RPRD1A: variants seen among roughly 807,000 people sequenced by gnomAD.
RPRD1A encodes regulation of nuclear pre-mRNA domain containing 1A.
In RPRD1A, 9 loss-of-function variants were observed where a neutral mutation model predicts 37.8. The observed-to-expected ratio is 0.24, with a 90% confidence interval of 0.14 to 0.42. The LOEUF (loss-of-function observed/expected upper bound fraction) is 0.42. RPRD1A is among the 10% of genes least tolerant of loss of function. The probability of loss-of-function intolerance (pLI) is 1.00; values close to 1 mark genes in which losing one functional copy is unlikely to be tolerated. For missense variants in RPRD1A, 255 were observed against 371.0 expected (o/e 0.69, Z 2.57); for synonymous variants, 138 against 139.7 (o/e 0.99, Z 0.08).
chr18:36,020,069 A>T (rs1017762568), intron 6 of RPRD1A, among the ~76,000 whole-genome samples: 4 of 152,164 alleles, frequency 2.6e-5, no homozygotes, highest in African/African-American at 9.7e-5. Context: ...AAAGGAATGG[A>T]AAGGACGAAC....
chr18:36,028,024 T>C (rs188954814), intron 4 of RPRD1A: 14 of 152,264 alleles, frequency 9.2e-5, no homozygotes, highest in African/African-American at 3.1e-4. Context: ...CGCAACTCTT[T>C]GCTGGTGATT....
chr18:36,014,594 T>C (rs1337016561), intron 6 of RPRD1A, among the ~76,000 whole-genome samples: 2 of 151,930 alleles, frequency 1.3e-5, no homozygotes, highest in Non-Finnish European at 2.9e-5. Context: ...CAAAAAACAA[T>C]TAGCCGGGTG....
chr18:36,001,264 G>C (rs772931720), intron 6 of RPRD1A, among the ~76,000 whole-genome samples: 2 of 152,188 alleles, frequency 1.3e-5, no homozygotes, highest in South Asian at 4.1e-4. Context: ...GGATGGAGCA[G>C]AGAGAGTAAG....
intron 1 of RPRD1A, among the ~76,000 whole-genome samples, chr18:36,038,632 A>C (rs543863839): frequency 6.6e-6 from 1 of 152,340 alleles, no homozygotes; most frequent in South Asian, 2.1e-4. Context: ...GAGTTCAAGA[A>C]GAGGGCCACT....
chr18:36,002,206 C>T (rs539430462), intron 6 of RPRD1A, among the ~76,000 whole-genome samples: 1 of 152,300 alleles, frequency 6.6e-6, no homozygotes, highest in South Asian at 2.1e-4. Context: ...TATTTGGCTT[C>T]ATTCTCTTGC....
intron 6 of RPRD1A, among the ~76,000 whole-genome samples, chr18:36,002,287 G>T (rs556535330): frequency 6.6e-6 from 1 of 152,110 alleles, no homozygotes; most frequent in Non-Finnish European, 1.5e-5. Flanking sequence ...TGTTCTATTT[G>T]TGGGGACTTC....
intron 2 of RPRD1A, among the ~76,000 whole-genome samples, 159 bp downstream of exon 2, chr18:36,033,549 T>A (rs1262133790): frequency 1.3e-5 from 2 of 152,166 alleles, no homozygotes; most frequent in Admixed American, 1.3e-4. Context: ...AGGCATTTAA[T>A]ACATTTATAA....
In RPRD1A at chr18:36,018,659, G is replaced by T. The variant is rs577299800; in HGVS notation, c.789+8241C>A. ...GACAGAAACTACTCTAAGCATTGAG[G>T]GCATGGTAATAAATATGAAAAACAA... On this transcript the variant is annotated intron_variant, in intron 6 of 6. Transcript: ENST00000399022. Among the ~76,000 whole-genome samples the T allele has an allele frequency of 3.2e-4, 48 of 152,100 alleles. No individual in the cohort carries two copies. In the South Asian group the frequency reaches 4.2e-3, roughly 13 times the overall value.
intron 6 of RPRD1A, among the ~76,000 whole-genome samples, chr18:36,017,399 C>G (rs1910663685): frequency 6.6e-6 from 1 of 152,156 alleles, no homozygotes; most frequent in Non-Finnish European, 1.5e-5. Context: ...GGTCTCCCTA[C>G]TGCTAATCTC....
chr18:36,050,848 TTTTTC>T (rs200015439), intron 1 of RPRD1A, among the ~76,000 whole-genome samples: 5,157 of 151,458 alleles, frequency 0.034, 266 homozygotes, highest in African/African-American at 0.12. Context: ...CCAGAATCAA[TTTTTC>T]TTTTCTTTTC....
In RPRD1A at chr18:36,010,496, C is replaced by CA. The variant is rs951383537; in HGVS notation, c.789+16403dup. Among the ~76,000 whole-genome samples the CA allele has an allele frequency of 2.0e-3, 299 of 150,678 alleles. 1 individual carries two copies. Among genetic ancestry groups the CA allele is most frequent in the African/African-American group, 5.5e-3 (226 of 40,834 alleles). On this transcript the variant is annotated intron_variant, in intron 6 of 6. Coordinates refer to ENST00000399022, the MANE Select transcript of RPRD1A (RefSeq NM_018170.5). ...CAACAAACAGAATGAGACCCTGTCTCAAAAAAAACAAAACAAAACAAAAGC... is the reference window on the plus strand; with the variant it reads ...CAACAAACAGAATGAGACCCTGTCTCAAAAAAAAACAAAACAAAACAAAAGC...
intron 6 of RPRD1A, among the ~76,000 whole-genome samples, chr18:35,996,593 C>T (rs1418444236): frequency 2.6e-5 from 4 of 152,060 alleles, no homozygotes; most frequent in African/African-American, 4.8e-5. Flanking sequence ...TCAAATGATA[C>T]GACATTTGCT....
intron 1 of RPRD1A, among the ~76,000 whole-genome samples, chr18:36,037,500 T>C (rs1428770041): frequency 6.6e-6 from 1 of 152,232 alleles, no homozygotes; most frequent in Non-Finnish European, 1.5e-5. Flanking sequence ...CTTTCCTTTA[T>C]AAATTACCCA....
intron 6 of RPRD1A, among the ~76,000 whole-genome samples, chr18:36,010,721 C>G (rs889295696): frequency 6.6e-6 from 1 of 152,202 alleles, no homozygotes. Flanking sequence ...GGAGAAAACA[C>G]TTCGCACCAA....
At chr18:36,043,201 G>T (rs529034447) in intron 1 of RPRD1A, among the ~76,000 whole-genome samples, 3 of 139,760 alleles carry the variant, frequency 2.1e-5, no homozygotes, top group Non-Finnish European at 4.7e-5. Context: ...AGAATCGGGG[G>T]GGGGGGAAGA....
In RPRD1A at chr18:35,993,161, C is replaced by T. The variant is rs1908810174; in HGVS notation, c.929G>A (p.Ser310Asn). The T allele has an allele frequency of 6.2e-7, 1 of 1,613,990 alleles. No individual in the cohort carries two copies. ...MHLPFAGDIY[S>N]ED The stretch of plus-strand genomic sequence containing the variant: ...AAAGAGGCTGGTCCATCAATCTTCA[C>T]TGTAGATGTCTCCCGCAAAGGGCAG... The change falls in exon 7 of 7, where the codon AGT becomes AAT. Residue 310 changes from serine (S) to asparagine (N), a missense_variant. Transcript: ENST00000399022.
At chr18:36,003,285 G>T (rs904384288) in intron 6 of RPRD1A, among the ~76,000 whole-genome samples, 8 of 152,146 alleles carry the variant, frequency 5.3e-5, no homozygotes, top group Non-Finnish European at 1.0e-4. Flanking sequence ...TGATCACTTG[G>T]TTTATTAGTG....
intron 1 of RPRD1A, among the ~76,000 whole-genome samples, chr18:36,067,035 C>A (rs571749443): frequency 6.6e-6 from 1 of 152,208 alleles, no homozygotes; most frequent in African/African-American, 2.4e-5. Flanking sequence ...GTTAAGCTAA[C>A]CGGAGTTTTC....
chr18:36,001,890 A>G (rs1261877584), intron 6 of RPRD1A, among the ~76,000 whole-genome samples: 1 of 152,204 alleles, frequency 6.6e-6, no homozygotes, highest in Non-Finnish European at 1.5e-5. Context: ...TTTGAAGAAT[A>G]ATTTCATTGG....
Sources: allele counts gnomAD v4.1 joint callset (sites outside exome capture counted in the v4.1 genomes callset), GRCh38; gene constraint gnomAD v4.1.1; transcripts MANE v1.5; gene names NCBI Gene and HGNC (gene_info 2026-07-23, HGNC 2026-07-21).